OR51B5: variants seen among roughly 807,000 people sequenced by gnomAD.
OR51B5 encodes olfactory receptor 51B5.
For synonymous variants in OR51B5, 186 were observed against 144.8 expected (o/e 1.28, Z -2.04); for missense variants, 456 against 374.6 (o/e 1.22, Z -1.79).
chr11:5,417,362 C>T (rs1384997663), intron 1 of OR51B5, among the ~76,000 whole-genome samples: 1 of 151,922 alleles, frequency 6.6e-6, no homozygotes, highest in Non-Finnish European at 1.5e-5. Flanking sequence ...AGGACATAGG[C>T]AAGGGCAAGG....
At chr11:5,383,721 T>C (rs908673048) in intron 1 of OR51B5, 3 of 152,146 alleles carry the variant, frequency 2.0e-5, no homozygotes, top group Non-Finnish European at 4.4e-5. Context: ...TTCCTGCCCA[T>C]AGGATTCCCA....
intron 1 of OR51B5, among the ~76,000 whole-genome samples, chr11:5,353,976 T>A (rs1347246995): frequency 1.1e-5 from 1 of 90,196 alleles, no homozygotes; most frequent in Non-Finnish European, 2.6e-5. Flanking sequence ...GTGTGTGAAA[T>A]TTGCCTTTCT....
intron 1 of OR51B5, chr11:5,390,006 A>G: frequency 1.2e-6 from 2 of 1,613,320 alleles, no homozygotes; most frequent in Non-Finnish European, 1.7e-6. Flanking sequence ...GCCTGCACAG[A>G]TATCACCTTC....
Position 5,427,594 on chromosome 11 carries a change from A to G in OR51B5, n.84+77975T>C, listed in dbSNP as rs186750438. ...TTTGCTCTGTAAGCTAGGAGCACCT[A>G]GAAGTGACGACAATCCAGTAGGAAC... On this transcript the variant is annotated intron_variant and non_coding_transcript_variant, in intron 1 of 4. Transcript: ENST00000415970. Among the ~76,000 whole-genome samples the G allele has an allele frequency of 1.4e-3, 216 of 152,340 alleles. 4 individuals carry two copies. Among genetic ancestry groups the G allele is most frequent in the Admixed American group, 0.012 (184 of 15,302 alleles).
chr11:5,400,449 CCT>C (rs1455738528), intron 1 of OR51B5, among the ~76,000 whole-genome samples: 4 of 151,910 alleles, frequency 2.6e-5, no homozygotes, highest in Middle Eastern at 3.2e-3. Context: ...GATAATTTCC[CCT>C]CTTTTTTTTT....
intron 1 of OR51B5, among the ~76,000 whole-genome samples, chr11:5,473,347 C>G (rs1267852553): frequency 2.0e-5 from 3 of 152,138 alleles, no homozygotes; most frequent in Non-Finnish European, 4.4e-5. Context: ...TCGGGGCCAT[C>G]TTGTATCACA....
chr11:5,357,313 A>G (rs554308526), intron 1 of OR51B5, among the ~76,000 whole-genome samples: 5 of 151,944 alleles, frequency 3.3e-5, no homozygotes. Flanking sequence ...AAAAAAAGGC[A>G]GGGGTTGCAA....
At chr11:5,476,261 T>C (rs751908290) in intron 1 of OR51B5, among the ~76,000 whole-genome samples, 5 of 152,234 alleles carry the variant, frequency 3.3e-5, no homozygotes, top group Non-Finnish European at 7.3e-5. Flanking sequence ...TCGTTTAAAT[T>C]TGAAAACATT....
At chr11:5,405,166 C>A (rs942962149) in intron 1 of OR51B5, among the ~76,000 whole-genome samples, 2 of 152,162 alleles carry the variant, frequency 1.3e-5, no homozygotes, top group Admixed American at 1.3e-4. Context: ...AGATTTTTAA[C>A]ATAAAATATA....
At chr11:5,444,659 A>C (rs974079802) in intron 1 of OR51B5, among the ~76,000 whole-genome samples, 1 of 152,206 alleles carries the variant, frequency 6.6e-6, no homozygotes, top group African/African-American at 2.4e-5. Context: ...CTGTGGGTAC[A>C]GCTGGCAGTG....
intron 1 of OR51B5, among the ~76,000 whole-genome samples, chr11:5,381,641 A>G (rs1849610490): frequency 6.6e-6 from 1 of 152,238 alleles, no homozygotes. Context: ...CACAGGACGC[A>G]CTTAATGCAC....
At chr11:5,416,661 T>C (rs1472323557) in intron 1 of OR51B5, among the ~76,000 whole-genome samples, 1 of 144,992 alleles carries the variant, frequency 6.9e-6, no homozygotes, top group Non-Finnish European at 1.5e-5. Flanking sequence ...AAATCATGAG[T>C]GAACTCCCAT....
intron 1 of OR51B5, chr11:5,489,067 A>G (rs1453134279): frequency 1.2e-6 from 2 of 1,614,026 alleles, no homozygotes; most frequent in East Asian, 2.2e-5. Flanking sequence ...TCTACTTGCC[A>G]TGGCCTTTGA....
chr11:5,368,068 G>A (rs753389541), intron 1 of OR51B5, among the ~76,000 whole-genome samples: 1 of 152,102 alleles, frequency 6.6e-6, no homozygotes, highest in Non-Finnish European at 1.5e-5. Flanking sequence ...TTGCTCCTAT[G>A]GAGACCCAGG....
chr11:5,342,913 T>C (rs1478463510), exon 1 of OR51B5: 1 of 1,613,536 alleles, frequency 6.2e-7, no homozygotes, highest in Non-Finnish European at 8.5e-7. Flanking sequence ...CCAGCACAAA[T>C]ATAAAGACTA....
intron 1 of OR51B5, among the ~76,000 whole-genome samples, chr11:5,499,285 T>TGACCTATTTCTGTGAATAGGTCTCTTA (rs6144191): frequency 0.98 from 147,768 of 150,624 alleles, 72,505 homozygotes; most frequent in East Asian, 1. Context: ...GGTTACTCTT[T>TGACCTATTTCTGTGAATAGGTCTCTTA]GACCTATTTC....
chr11:5,450,370 T>C (rs1472182027), intron 1 of OR51B5, among the ~76,000 whole-genome samples: 3 of 152,134 alleles, frequency 2.0e-5, no homozygotes, highest in African/African-American at 7.2e-5. Flanking sequence ...CCCTGGATGA[T>C]GGAGCAAGAC....
chr11:5,433,906 C>T (rs532624879), intron 1 of OR51B5, among the ~76,000 whole-genome samples: 1 of 152,254 alleles, frequency 6.6e-6, no homozygotes, highest in Non-Finnish European at 1.5e-5. Context: ...CTAGGTCCTG[C>T]ATTCTCTTAC....
chr11:5,368,799 A>T (rs1849411544), intron 1 of OR51B5, among the ~76,000 whole-genome samples: 1 of 152,178 alleles, frequency 6.6e-6, no homozygotes, highest in South Asian at 2.1e-4. Flanking sequence ...AAAGCTTACG[A>T]TGGCTTTTCT....
Sources: allele counts gnomAD v4.1 joint callset (sites outside exome capture counted in the v4.1 genomes callset), GRCh38; gene constraint gnomAD v4.1.1; transcripts MANE v1.5; gene names NCBI Gene and HGNC (gene_info 2026-07-23, HGNC 2026-07-21).